Variants in PLPPR5 observed in about 807,000 individuals in gnomAD.
PLPPR5 encodes phospholipid phosphatase related 5.
In PLPPR5, 16 loss-of-function variants were observed where a neutral mutation model predicts 33.9. The observed-to-expected ratio is 0.47, with a 90% CI of 0.32 to 0.72. PLPPR5 has a LOEUF of 0.72. PLPPR5 is among the 30% of genes least tolerant of loss of function. The pLI, the probability that PLPPR5 is intolerant of heterozygous loss-of-function variation, is 0.03. For missense variants in PLPPR5, 301 were observed against 406.7 expected, an observed-to-expected ratio of 0.74 and a Z score of 2.23; for synonymous variants, 163 against 150.3, an observed-to-expected ratio of 1.08 and a Z score of -0.62.
chr1:98,988,543 G>A (rs1035658609), intron 1 of PLPPR5, among the ~76,000 whole-genome samples: 2 of 151,950 alleles, frequency 1.3e-5, no homozygotes, highest in Admixed American at 6.6e-5. Context: ...AACAAGATCT[G>A]CTTTGTTCCT....
chr1:98,909,547 G>T (rs572494636), intron 5 of PLPPR5, among the ~76,000 whole-genome samples: 67 of 151,662 alleles, frequency 4.4e-4, no homozygotes, highest in African/African-American at 1.6e-3. Context: ...ATTATTAAGG[G>T]TTTCACTGGT....
intron 2 of PLPPR5, among the ~76,000 whole-genome samples, chr1:98,953,790 A>G (rs922779659): frequency 6.6e-6 from 1 of 152,198 alleles, no homozygotes; most frequent in Non-Finnish European, 1.5e-5. Flanking sequence ...GACTGATGTT[A>G]ACGCTGCTGG....
intron 1 of PLPPR5, among the ~76,000 whole-genome samples, chr1:98,994,321 T>A (rs1652560922): frequency 6.6e-6 from 1 of 152,072 alleles, no homozygotes; most frequent in South Asian, 2.1e-4. Context: ...GTACTTCCAT[T>A]CTTTCCACAC....
chr1:98,929,379 G>T (rs1041475128), intron 3 of PLPPR5, among the ~76,000 whole-genome samples: 9 of 152,090 alleles, frequency 5.9e-5, no homozygotes, highest in Non-Finnish European at 1.2e-4. Flanking sequence ...ATGGGCATGG[G>T]GATAAAGCTC....
chr1:99,003,928 T>C (rs1652962616), intron 1 of PLPPR5, among the ~76,000 whole-genome samples: 1 of 152,212 alleles, frequency 6.6e-6, no homozygotes, highest in African/African-American at 2.4e-5. Flanking sequence ...CACTTTCACC[T>C]GAAAAGGAGG....
intron 1 of PLPPR5, among the ~76,000 whole-genome samples, chr1:98,987,989 C>A (rs1652317104): frequency 6.6e-6 from 1 of 152,046 alleles, no homozygotes; most frequent in Non-Finnish European, 1.5e-5. Context: ...TATTCATGGG[C>A]ATTCTTATTT....
At position 98,979,256 on chromosome 1, in the gene PLPPR5, CT is replaced by C. The variant is rs369455460; in HGVS notation, c.238-22516del. Among the ~76,000 whole-genome samples, 1,173 of 152,184 alleles carry C rather than the reference CT, an allele frequency of 7.7e-3. 20 individuals carry two copies. Among genetic ancestry groups the C allele is most frequent in the African/African-American group, 0.027 (1,118 of 41,546 alleles). On this transcript the variant is annotated intron_variant, in intron 1 of 5. Transcript: ENST00000263177. ...GAGCAGTTTTCTTGTTCTTTACTCA[CT>C]GCAAAGTACTTAACAAAGGTTTAAA...
chr1:98,906,964 A>AT (rs768845084), intron 5 of PLPPR5, among the ~76,000 whole-genome samples: 4 of 151,932 alleles, frequency 2.6e-5, no homozygotes, highest in Non-Finnish European at 5.9e-5. Context: ...TTTAATTCTC[A>AT]TTTTTTATTA....
chr1:98,978,528 C>A (rs1262144634), intron 1 of PLPPR5, among the ~76,000 whole-genome samples: 1 of 152,008 alleles, frequency 6.6e-6, no homozygotes, highest in African/African-American at 2.4e-5. Flanking sequence ...CAAAACTCCC[C>A]ATGGACCCCT....
At chr1:98,902,509 C>A (rs771336586) in intron 5 of PLPPR5, among the ~76,000 whole-genome samples, 7 of 152,032 alleles carry the variant, frequency 4.6e-5, no homozygotes, top group Non-Finnish European at 7.4e-5. Flanking sequence ...AAATAAACTG[C>A]TTGTTTCATA....
chr1:98,979,473 T>G (rs1033114736), intron 1 of PLPPR5, among the ~76,000 whole-genome samples: 1 of 152,118 alleles, frequency 6.6e-6, no homozygotes, highest in Non-Finnish European at 1.5e-5. Context: ...GTTGCTATTA[T>G]AGACATCACA....
At chr1:98,958,398 T>A (rs975380221) in intron 1 of PLPPR5, among the ~76,000 whole-genome samples, 1 of 151,180 alleles carries the variant, frequency 6.6e-6, no homozygotes, top group Admixed American at 6.6e-5. Context: ...TTCCTCTTTC[T>A]TTTTTTAACT....
chr1:98,952,536 C>T (rs531130382), intron 3 of PLPPR5, among the ~76,000 whole-genome samples: 1 of 152,300 alleles, frequency 6.6e-6, no homozygotes, highest in East Asian at 1.9e-4. Flanking sequence ...GTGGCCAATA[C>T]TCTCAAGACT....
intron 2 of PLPPR5, among the ~76,000 whole-genome samples, chr1:98,954,097 G>C (rs898047057): frequency 1.3e-5 from 2 of 152,126 alleles, no homozygotes; most frequent in African/African-American, 4.8e-5. Context: ...TAAGTGTGTA[G>C]ATATTTTTTC....
chr1:98,913,554 C>T (rs973208767), intron 5 of PLPPR5, among the ~76,000 whole-genome samples: 4 of 152,306 alleles, frequency 2.6e-5, no homozygotes, highest in Non-Finnish European at 4.4e-5. Flanking sequence ...CTACTTTACA[C>T]GTGAAGTTTT....
intron 5 of PLPPR5, among the ~76,000 whole-genome samples, chr1:98,907,943 T>A (rs555098434): frequency 3.3e-5 from 5 of 152,210 alleles, no homozygotes; most frequent in Non-Finnish European, 7.3e-5. Flanking sequence ...CCCATCCAGG[T>A]GTGGGGTACC....
At chr1:98,921,517 T>A (rs991994482) in intron 4 of PLPPR5, among the ~76,000 whole-genome samples, 10 of 152,202 alleles carry the variant, frequency 6.6e-5, no homozygotes, top group Non-Finnish European at 1.2e-4. Flanking sequence ...TAACATTTTT[T>A]AAGGATTTAT....
intron 3 of PLPPR5, among the ~76,000 whole-genome samples, 186 bp from the exon 4 acceptor site, chr1:98,922,244 A>G (rs1649583769): frequency 6.6e-6 from 1 of 152,220 alleles, no homozygotes; most frequent in Non-Finnish European, 1.5e-5. Flanking sequence ...AGTAGCAATT[A>G]TTTTGTTTTA....
chr1:98,963,140 T>C (rs1651307635), intron 1 of PLPPR5, among the ~76,000 whole-genome samples: 1 of 152,220 alleles, frequency 6.6e-6, no homozygotes, highest in Non-Finnish European at 1.5e-5. Context: ...AGTATTTCCA[T>C]ACATCCAGGT....
Sources: gnomAD v4.1 joint callset for allele counts (sites outside exome capture counted in the v4.1 genomes callset) on GRCh38, gnomAD v4.1.1 for gene constraint, MANE v1.5 for transcripts, NCBI Gene and HGNC (gene_info 2026-07-23, HGNC 2026-07-21) for gene names.